The following HHIP variants were observed in gnomAD, a reference collection of about 807,000 sequenced individuals.
HHIP encodes the protein hedgehog interacting protein.
In HHIP, 12 loss-of-function variants were observed where a neutral mutation model predicts 74.0. That is an observed-to-expected ratio of 0.16 (90% CI 0.10 to 0.26). The LOEUF (loss-of-function observed/expected upper bound fraction) is 0.26, where lower values mean the gene tolerates loss of function less well. HHIP is among the 10% of genes least tolerant of loss of function. HHIP has a pLI of 1.00. For synonymous variants in HHIP, 309 were observed against 311.6 expected (o/e 0.99, Z 0.09); for missense variants, 788 against 845.0 (o/e 0.93, Z 0.84).
intron 3 of HHIP, 85 bp downstream of exon 3, chr4:144,659,031 T>A: frequency 9.0e-7 from 1 of 1,111,878 alleles, no homozygotes; most frequent in Non-Finnish European, 1.3e-6. Context: ...CAACTGTCTG[T>A]GCTTATGTTC....
chr4:144,733,998 T>C (rs1490538894), intron 11 of HHIP, among the ~76,000 whole-genome samples: 1 of 152,080 alleles, frequency 6.6e-6, no homozygotes. Context: ...TAGCATTCTT[T>C]TTTCCTTATA....
At chr4:144,735,362 G>A (rs781316571) in intron 12 of HHIP, among the ~76,000 whole-genome samples, 15 of 152,060 alleles carry the variant, frequency 9.9e-5, no homozygotes, top group East Asian at 1.9e-4. Context: ...TAAATAAAAC[G>A]GGAAAATGCA....
At position 144,682,303 on chromosome 4, in the gene HHIP, C is replaced by A. The variant is rs75354016; in HGVS notation, c.831+22465C>A. Among the ~76,000 whole-genome samples, 106 of 152,326 alleles carry A rather than the reference C, an allele frequency of 7.0e-4. 3 individuals carry two copies. In the East Asian group the frequency reaches 0.014, roughly 19 times the overall value. ...ATAGATTCCTTTAGGGATAACAATG[C>A]CTGCTGGTTGTTCAGGTGCTCTTAA... On this transcript the variant is annotated intron_variant, in intron 4 of 12. Coordinates refer to ENST00000296575, the MANE Select transcript of HHIP (RefSeq NM_022475.3).
At chr4:144,708,361 C>T in intron 7 of HHIP, 50 bp downstream of exon 7, 1 of 1,598,472 alleles carries the variant, frequency 6.3e-7, no homozygotes, top group South Asian at 1.1e-5. Flanking sequence ...AGGCGGGGAT[C>T]CGAGAACTGG....
At chr4:144,662,064 T>C (rs763493776) in intron 4 of HHIP, among the ~76,000 whole-genome samples, 1 of 152,194 alleles carries the variant, frequency 6.6e-6, no homozygotes, top group Non-Finnish European at 1.5e-5. Context: ...CTAAGAGGAA[T>C]ATGTTAAGTC....
rs1421693128 is a variant in HHIP, at chr4:144,711,939, T to C, written c.1302-11T>C. 1.2e-5 allele frequency: 20 copies of C among 1,610,920 alleles called. No individual in the cohort carries two copies. Among genetic ancestry groups the C allele is most frequent in the Admixed American group, 3.3e-5 (2 of 59,898 alleles). ...GGTAGGAATTAATGTGTATCCCCTC[T>C]TGTTATGCAGATGTGCTGTGGATAG... On this transcript the variant is annotated splice_polypyrimidine_tract_variant and intron_variant, in intron 7 of 12. Coordinates refer to ENST00000296575, the MANE Select transcript of HHIP (RefSeq NM_022475.3).
At chr4:144,689,616 TG>T (rs1729588030) in intron 4 of HHIP, among the ~76,000 whole-genome samples, 2 of 152,190 alleles carry the variant, frequency 1.3e-5, no homozygotes, top group Admixed American at 1.3e-4. Context: ...GTCTACAACT[TG>T]AAAAACAATT....
chr4:144,716,793 G>A (rs1224222687), intron 10 of HHIP, among the ~76,000 whole-genome samples: 2 of 129,654 alleles, frequency 1.5e-5, no homozygotes, highest in Admixed American at 9.0e-5. Flanking sequence ...AGGTTGCAGT[G>A]AGCCAAGATC....
intron 4 of HHIP, among the ~76,000 whole-genome samples, chr4:144,677,204 TG>T (rs959995644): frequency 1.3e-5 from 2 of 152,154 alleles, no homozygotes; most frequent in African/African-American, 4.8e-5. Flanking sequence ...TCTCCCTGTT[TG>T]GGGGACAAGA....
chr4:144,719,443 T>A (rs1276217197), intron 11 of HHIP, among the ~76,000 whole-genome samples: 1 of 152,258 alleles, frequency 6.6e-6, no homozygotes, highest in Non-Finnish European at 1.5e-5. Flanking sequence ...TCATGAAGAC[T>A]GTGGTGACTA....
chr4:144,679,330 C>T (rs1033328596), intron 4 of HHIP, among the ~76,000 whole-genome samples: 5 of 152,146 alleles, frequency 3.3e-5, no homozygotes, highest in African/African-American at 1.2e-4. Context: ...TGTAGGTTGC[C>T]TGTTCTCTCT....
In HHIP at chr4:144,741,174, G is replaced by A. The variant is rs754573038; in HGVS notation, c.*3217G>A. 3 of 151,156 alleles carry A rather than the reference G, an allele frequency of 2.0e-5. No homozygotes were observed. The highest frequency in any genetic ancestry group is 4.4e-5 in the Non-Finnish European group (3 of 67,900). The allele number at this position is 151,156 out of a possible 1,614,324, so 9.4% of individuals were successfully genotyped here. ...TTTTATTTTATCATGAAGAATACTC[G>A]GAAGGTTTCTCAGATTAATGAGTAT... On this transcript the variant is annotated 3_prime_UTR_variant, in exon 13 of 13. Coordinates refer to ENST00000296575, the MANE Select transcript of HHIP (RefSeq NM_022475.3).
At chr4:144,681,958 G>A (rs2126622466) in intron 4 of HHIP, among the ~76,000 whole-genome samples, 1 of 152,320 alleles carries the variant, frequency 6.6e-6, no homozygotes, top group East Asian at 1.9e-4. Flanking sequence ...TCATTCTACA[G>A]CTGTGGAAGC....
chr4:144,732,944 T>C (rs1443979045), intron 11 of HHIP, among the ~76,000 whole-genome samples: 1 of 152,222 alleles, frequency 6.6e-6, no homozygotes, highest in East Asian at 1.9e-4. Flanking sequence ...CAGTGGCCTA[T>C]GACTCAGAAG....
In HHIP at chr4:144,737,842, G is replaced by T; in HGVS notation, c.1988G>T (p.Gly663Val). ...NKCLCKKGYLGPQCEQVDRNI... is the reference protein window; with the variant it reads ...NKCLCKKGYLVPQCEQVDRNI... ...TGCCTCTGTAAAAAAGGATATCTTGGTCCTCAATGTGAACAAGTGGACAGA... is the reference window on the plus strand; with the variant it reads ...TGCCTCTGTAAAAAAGGATATCTTGTTCCTCAATGTGAACAAGTGGACAGA... The change falls in exon 13 of 13, where the codon GGT becomes GTT. Residue 663 changes from glycine to valine, a missense_variant. Physicochemically the swap from Gly to Val is moderately radical, Grantham distance 109. Around this residue, in one of 3 missense-constraint regions of HHIP, gnomAD observed 343 missense variants for 347.9 expected, o/e 0.99. Coordinates refer to ENST00000296575, the MANE Select transcript of HHIP (RefSeq NM_022475.3). The T allele has an allele frequency of 6.2e-7, 1 of 1,613,740 alleles. No homozygotes were observed. Among genetic ancestry groups the T allele is most frequent in the Non-Finnish European group, 8.5e-7 (1 of 1,179,782 alleles).
At chr4:144,685,714 T>C (rs1396209308) in intron 4 of HHIP, 1 of 152,186 alleles carries the variant, frequency 6.6e-6, no homozygotes, top group East Asian at 1.9e-4. Context: ...CCTCTAGGAT[T>C]GTGTCAGGAT....
chr4:144,654,345 G>A (rs556630646), intron 2 of HHIP, among the ~76,000 whole-genome samples: 1 of 152,284 alleles, frequency 6.6e-6, no homozygotes, highest in South Asian at 2.1e-4. Context: ...ATGTAAAACT[G>A]CTGAAGTGCA....
In HHIP at chr4:144,742,997, T is replaced by A. The variant is rs1398880840; in HGVS notation, c.*5040T>A. The A allele has an allele frequency of 1.6e-3, 1 of 632 alleles. No homozygotes were observed. The highest frequency in any genetic ancestry group is 2.6e-3 in the African/African-American group (1 of 392). 0.0% of individuals were successfully genotyped at this position (632 alleles called of 1,614,324 possible). ...TATATATATATACATTATATATATA[T>A]AATATATATATATTATATATATATA... is the stretch of plus-strand genomic sequence containing the variant. On this transcript the variant is annotated 3_prime_UTR_variant, in exon 13 of 13. Coordinates refer to ENST00000296575, the MANE Select transcript of HHIP (RefSeq NM_022475.3).
At chr4:144,680,474 CTACTT>C (rs758896961) in intron 4 of HHIP, among the ~76,000 whole-genome samples, 3 of 152,184 alleles carry the variant, frequency 2.0e-5, no homozygotes, top group Admixed American at 6.5e-5. Context: ...AGTTACAAAG[CTACTT>C]TCTGTTTGAT....
Sources: gnomAD v4.1 joint callset for allele counts (sites outside exome capture counted in the v4.1 genomes callset) on GRCh38, gnomAD v4.1.1 for gene constraint, gnomAD v4.1.1 regional missense constraint, MANE v1.5 for transcripts, NCBI Gene and HGNC (gene_info 2026-07-23, HGNC 2026-07-21) for gene names.